Variants in MBD5 observed in about 807,000 individuals in gnomAD.
The protein encoded by MBD5 is methyl-CpG-binding domain protein 5.
MBD5 carries 13 observed loss-of-function variants against 117.3 expected under a neutral mutation model. The observed-to-expected ratio is 0.11, with a 90% confidence interval of 0.07 to 0.18. MBD5 has a LOEUF of 0.18. Ranked by LOEUF, MBD5 falls within the 10% of genes least tolerant of loss-of-function variation. The probability of loss-of-function intolerance (pLI) is 1.00; values close to 1 mark genes in which losing one functional copy is unlikely to be tolerated. For synonymous variants in MBD5, 727 were observed against 766.4 expected (o/e 0.95, Z 0.85); for missense variants, 1,879 against 2,093.8 (o/e 0.90, Z 2.00).
At chr2:148,204,859 T>C (rs1034489839) in intron 2 of MBD5, among the ~76,000 whole-genome samples, 3 of 152,038 alleles carry the variant, frequency 2.0e-5, no homozygotes, top group Non-Finnish European at 4.4e-5. Context: ...AAAATTATCA[T>C]AGAAGGTCTG....
rs545612770 is a variant in MBD5, at chr2:148,454,515, C to A, written c.-556-3688C>A. ...ATATACCAGTATTTATATAAAATTTCAAAATACATATAACAGTAAAATATT... is the reference window on the plus strand; with the variant it reads ...ATATACCAGTATTTATATAAAATTTAAAAATACATATAACAGTAAAATATT... On this transcript the variant is annotated intron_variant, in intron 4 of 13. Transcript: ENST00000642680. Among the ~76,000 whole-genome samples the A allele has an allele frequency of 2.0e-5, 3 of 151,958 alleles. No individual in the cohort carries two copies. The East Asian group carries it at 5.8e-4, about 29-fold the overall frequency.
At chr2:148,215,322 C>A (rs762378255) in intron 2 of MBD5, among the ~76,000 whole-genome samples, 1 of 152,088 alleles carries the variant, frequency 6.6e-6, no homozygotes, top group Admixed American at 6.5e-5. Context: ...CATAAATAAT[C>A]CCATATGTTC....
chr2:148,327,660 A>G (rs1427914753), intron 3 of MBD5, among the ~76,000 whole-genome samples: 1 of 151,276 alleles, frequency 6.6e-6, no homozygotes, highest in South Asian at 2.1e-4. Flanking sequence ...TGCATTCTTC[A>G]CATAGTTATC....
Position 148,223,264 on chromosome 2 carries a change from G to A in MBD5, c.-830-9981G>A, listed in dbSNP as rs138464535. ...TGTATTTGTCTATTTTTGGTATAAG[G>A]GTAATACTGGGCTCATAGAATGAGT... On this transcript the variant is annotated intron_variant, in intron 2 of 13. Coordinates refer to ENST00000642680, the MANE Select transcript of MBD5 (RefSeq NM_001378120.1). Among the ~76,000 whole-genome samples the A allele has an allele frequency of 3.5e-3, 525 of 151,976 alleles. 2 individuals carry two copies. Among genetic ancestry groups the A allele is most frequent in the African/African-American group, 0.012 (509 of 41,468 alleles).
intron 8 of MBD5, among the ~76,000 whole-genome samples, chr2:148,481,247 A>G (rs556674326): frequency 6.6e-6 from 1 of 152,228 alleles, no homozygotes; most frequent in African/African-American, 2.4e-5. Context: ...TATAGTAAAT[A>G]CATACACTAC....
intron 12 of MBD5, among the ~76,000 whole-genome samples, chr2:148,504,809 T>C (rs1681981125): frequency 6.6e-6 from 1 of 151,974 alleles, no homozygotes; most frequent in African/African-American, 2.4e-5. Context: ...GCAGTTGGAT[T>C]TGGGGGACTG....
rs777439830 is a variant in MBD5, at chr2:148,463,783, A to C, written c.261A>C (p.Ala87=). ...DPGAAVKQRT[A]EDVKADEDVT... ...GAGCTGCTGTGAAACAGAGAACCGC[A>C]GAAGATGTTAAGGCAGATGAAGATG... The change falls in exon 7 of 14, where the codon GCA becomes GCC. Residue 87 remains alanine, a synonymous_variant. Coordinates refer to ENST00000642680, the MANE Select transcript of MBD5 (RefSeq NM_001378120.1). The C allele has an allele frequency of 6.2e-7, 1 of 1,613,854 alleles. No individual in the cohort carries two copies. Among genetic ancestry groups the C allele is most frequent in the Non-Finnish European group, 8.5e-7 (1 of 1,179,776 alleles).
chr2:148,446,256 A>G (rs1232327399), intron 4 of MBD5, among the ~76,000 whole-genome samples: 1 of 152,026 alleles, frequency 6.6e-6, no homozygotes. Flanking sequence ...TAGGGTTTTT[A>G]TGGTTTTAGG....
intron 4 of MBD5, among the ~76,000 whole-genome samples, chr2:148,437,466 A>G (rs1220873632): frequency 6.6e-6 from 1 of 152,076 alleles, no homozygotes; most frequent in South Asian, 2.1e-4. Context: ...TGAAACATCA[A>G]ATTCCCTAAT....
At chr2:148,433,034 A>AT (rs1258524487) in intron 4 of MBD5, among the ~76,000 whole-genome samples, 1 of 151,886 alleles carries the variant, frequency 6.6e-6, no homozygotes, top group Admixed American at 6.6e-5. Flanking sequence ...ATTGTCTCTG[A>AT]TTTTTTTGAG....
intron 10 of MBD5, 85 bp from the exon 11 acceptor site, chr2:148,489,301 G>T: frequency 1.3e-6 from 2 of 1,508,216 alleles, no homozygotes; most frequent in Non-Finnish European, 1.8e-6. Context: ...TTTGTCTTTT[G>T]GTAAATTTTA....
intron 4 of MBD5, among the ~76,000 whole-genome samples, chr2:148,442,450 C>A (rs1706356009): frequency 6.6e-6 from 1 of 151,040 alleles, no homozygotes; most frequent in African/African-American, 2.5e-5. Context: ...GCTCACAGAG[C>A]TTACATTCTT....
intron 4 of MBD5, among the ~76,000 whole-genome samples, chr2:148,372,747 G>A (rs573035270): frequency 6.6e-6 from 1 of 152,174 alleles, no homozygotes; most frequent in African/African-American, 2.4e-5. Context: ...GAATGCGAGT[G>A]TAAGTGAAGT....
In MBD5 at chr2:148,043,996, C is replaced by T. The variant is rs576435315; in HGVS notation, c.-925+22312C>T. ...GGATCCAGTGTAAATTTTGGGGAAG[C>T]ATGACTTACAGAATTAAATTAAAAA... On this transcript the variant is annotated intron_variant, in intron 1 of 13. Transcript: ENST00000642680. Among the ~76,000 whole-genome samples, 75 of 152,232 alleles carry T rather than the reference C, an allele frequency of 4.9e-4. 1 individual carries two copies. The highest frequency in any genetic ancestry group is 1.7e-3 in the African/African-American group (70 of 41,540).
intron 1 of MBD5, among the ~76,000 whole-genome samples, chr2:148,065,223 A>G (rs1695154671): frequency 6.6e-6 from 1 of 152,208 alleles, no homozygotes; most frequent in African/African-American, 2.4e-5. Flanking sequence ...CCTCTGGACC[A>G]TGTATCAAGA....
At chr2:148,206,001 G>A (rs1699271308) in intron 2 of MBD5, among the ~76,000 whole-genome samples, 1 of 151,746 alleles carries the variant, frequency 6.6e-6, no homozygotes, top group South Asian at 2.1e-4. Context: ...ATTAGCTGGT[G>A]GACCCAGTGA....
intron 2 of MBD5, among the ~76,000 whole-genome samples, chr2:148,201,109 A>G (rs1037909853): frequency 1.3e-5 from 2 of 152,194 alleles, no homozygotes; most frequent in African/African-American, 4.8e-5. Context: ...GGCTTGCCAC[A>G]GGAGATGCCC....
intron 2 of MBD5, among the ~76,000 whole-genome samples, chr2:148,180,977 TAAATG>T: frequency 6.6e-6 from 1 of 152,282 alleles, no homozygotes; most frequent in Non-Finnish European, 1.5e-5. Flanking sequence ...AAATTTCAAA[TAAATG>T]AAAAGGAAAA....
rs917018155 is a variant in MBD5 at position 148,485,543 on chromosome 2, C to G, written c.3545-199C>G. 7.0e-6 allele frequency: 4 copies of G among 573,778 alleles called. No homozygotes were observed. The African/African-American group carries it at 7.5e-5, about 11-fold the overall frequency. The allele number at this position is 573,778 out of a possible 1,614,324, so 35.5% of individuals were successfully genotyped here. ...CTTTCCATGATGTAAAATTAAAAAACTAATTATACAAGATAAAACTAAATA... is the reference window on the plus strand; with the variant it reads ...CTTTCCATGATGTAAAATTAAAAAAGTAATTATACAAGATAAAACTAAATA... On this transcript the variant is annotated intron_variant, in intron 9 of 13. Coordinates refer to ENST00000642680, the MANE Select transcript of MBD5 (RefSeq NM_001378120.1).
Sources: allele counts gnomAD v4.1 joint callset (sites outside exome capture counted in the v4.1 genomes callset), GRCh38; gene constraint gnomAD v4.1.1; transcripts MANE v1.5; gene names NCBI Gene and HGNC (gene_info 2026-07-23, HGNC 2026-07-21).